Variants in TTLL5 observed in about 807,000 individuals in gnomAD.
TTLL5 encodes tubulin tyrosine ligase like 5, also known as tubulin polyglutamylase TTLL5.
TTLL5 carries 132 observed loss-of-function variants against 168.4 expected under a neutral mutation model. The observed-to-expected ratio is 0.78, with a 90% confidence interval of 0.68 to 0.91. The LOEUF (loss-of-function observed/expected upper bound fraction) is 0.91. TTLL5 is among the 40% of genes least tolerant of loss of function. The pLI, the probability that TTLL5 is intolerant of heterozygous loss-of-function variation, is 0.00. For missense variants in TTLL5, 1,545 were observed against 1,581.5 expected (o/e 0.98, Z 0.39); for synonymous variants, 546 against 558.6 (o/e 0.98, Z 0.32).
At chr14:75,798,383 A>G (rs1197487676) in intron 27 of TTLL5, among the ~76,000 whole-genome samples, 1 of 144,676 alleles carries the variant, frequency 6.9e-6, no homozygotes, top group East Asian at 2.1e-4. Flanking sequence ...AATTTTGTTT[A>G]TTTATTTTTT....
chr14:75,924,637 A>AT (rs1026850691), intron 31 of TTLL5, among the ~76,000 whole-genome samples: 1 of 151,676 alleles, frequency 6.6e-6, no homozygotes, highest in Non-Finnish European at 1.5e-5. Flanking sequence ...AGGCAGAAGA[A>AT]TTTTTTTTGG....
chr14:75,902,459 A>G (rs2032967274), intron 31 of TTLL5: 1 of 670,674 alleles, frequency 1.5e-6, no homozygotes, highest in African/African-American at 1.8e-5. Context: ...GCCATCTTAT[A>G]AAATGCTGTC....
intron 28 of TTLL5, among the ~76,000 whole-genome samples, chr14:75,853,559 A>G (rs371523025): frequency 6.6e-6 from 1 of 152,246 alleles, no homozygotes; most frequent in Non-Finnish European, 1.5e-5. Context: ...CTGCTTAGGC[A>G]TGTATCTTTA....
At chr14:75,681,184 A>G (rs1184035385) in intron 3 of TTLL5, among the ~76,000 whole-genome samples, 14 of 152,204 alleles carry the variant, frequency 9.2e-5, no homozygotes, top group Non-Finnish European at 1.5e-5. Flanking sequence ...TATGAGAATA[A>G]TTGATATTTT....
rs188449346 is a variant in TTLL5 at position 75,940,242 on chromosome 14, C to G, written c.3824-14182C>G. ...TACAGGCACCCGCTACCAAGCCTGG[C>G]TAATTTTTTTGTATTTTTAGTAGAG... On this transcript the variant is annotated intron_variant, in intron 31 of 31. Coordinates refer to ENST00000298832, the MANE Select transcript of TTLL5 (RefSeq NM_015072.5). Among the ~76,000 whole-genome samples, 876 of 152,028 alleles carry G rather than the reference C, an allele frequency of 5.8e-3. 8 individuals are homozygous for G. The highest frequency in any genetic ancestry group is 0.02 in the African/African-American group (817 of 41,448).
At chr14:75,890,268 CAAAGCTAAG>C (rs1229624840) in intron 30 of TTLL5, among the ~76,000 whole-genome samples, 1 of 151,996 alleles carries the variant, frequency 6.6e-6, no homozygotes, top group Non-Finnish European at 1.5e-5. Context: ...AACCATAAAA[CAAAGCTAAG>C]AAAAACAGAT....
intron 28 of TTLL5, among the ~76,000 whole-genome samples, chr14:75,824,251 C>T (rs1894991846): frequency 6.6e-6 from 1 of 152,032 alleles, no homozygotes; most frequent in Admixed American, 6.6e-5. Context: ...CTGGGTAGGG[C>T]CTAAAAGACT....
At chr14:75,938,627 G>A (rs894389108) in intron 31 of TTLL5, among the ~76,000 whole-genome samples, 5 of 152,180 alleles carry the variant, frequency 3.3e-5, no homozygotes, top group Admixed American at 6.5e-5. Flanking sequence ...AGGTACACAC[G>A]TTTTTATTCT....
intron 18 of TTLL5, among the ~76,000 whole-genome samples, chr14:75,756,860 G>T (rs1365466503): frequency 6.6e-6 from 1 of 152,110 alleles, no homozygotes; most frequent in East Asian, 1.9e-4. Context: ...TGTTTTAAAA[G>T]AAAAACAAAA....
At chr14:75,723,759 A>G (rs540099194) in intron 12 of TTLL5, among the ~76,000 whole-genome samples, 4 of 152,262 alleles carry the variant, frequency 2.6e-5, no homozygotes, top group Admixed American at 6.5e-5. Context: ...TTCATCAGCC[A>G]TGGGTCTCCT....
chr14:75,833,679 C>T (rs1336823786), intron 28 of TTLL5, among the ~76,000 whole-genome samples: 4 of 152,160 alleles, frequency 2.6e-5, no homozygotes, highest in African/African-American at 7.2e-5. Context: ...CCATAGAGTA[C>T]GTGCCCAGTA....
intron 31 of TTLL5, among the ~76,000 whole-genome samples, chr14:75,924,965 AC>A (rs1279345942): frequency 1.6e-5 from 2 of 127,606 alleles, no homozygotes; most frequent in African/African-American, 3.1e-5. Flanking sequence ...CGGAGGGCCG[AC>A]CCCCCCACCT....
At chr14:75,769,400 G>C (rs1004834655) in intron 20 of TTLL5, among the ~76,000 whole-genome samples, 1 of 151,990 alleles carries the variant, frequency 6.6e-6, no homozygotes, top group Admixed American at 6.6e-5. Flanking sequence ...AGGTTTCTTT[G>C]GTTTTTATTC....
At chr14:75,813,008 A>C (rs921551555) in intron 27 of TTLL5, among the ~76,000 whole-genome samples, 1 of 152,142 alleles carries the variant, frequency 6.6e-6, no homozygotes, top group African/African-American at 2.4e-5. Flanking sequence ...ACAGTGATTA[A>C]AACAACAAGA....
At position 75,718,971 on chromosome 14, in the gene TTLL5, G is replaced by T. The variant is rs992233670; in HGVS notation, c.843-764G>T. On this transcript the variant is annotated intron_variant, in intron 10 of 31. Transcript: ENST00000298832. ...CCTGTGAGCAGCATTTGCATTGACT[G>T]AAGAGATCATACCTCCACTGTGAAA... 4.6e-5 allele frequency among the ~76,000 whole-genome samples: 7 copies of T among 152,328 alleles called. No individual in the cohort carries two copies. The South Asian group carries it at 1.4e-3, about 32-fold the overall frequency.
intron 12 of TTLL5, chr14:75,727,893 A>G: frequency 2.1e-6 from 1 of 480,884 alleles, no homozygotes; most frequent in Non-Finnish European, 4.2e-6. Flanking sequence ...GAAGCAGCAC[A>G]AGGAGTCCTT....
chr14:75,827,704 G>GTTTTTTTT (rs1566621341), intron 28 of TTLL5, among the ~76,000 whole-genome samples: 4 of 92,550 alleles, frequency 4.3e-5, no homozygotes, highest in South Asian at 4.2e-4. Context: ...ATTTGGCTTG[G>GTTTTTTTT]TTCTTTTTTT....
intron 5 of TTLL5, 89 bp from the exon 6 acceptor site, chr14:75,690,103 A>G: frequency 7.0e-7 from 1 of 1,424,052 alleles, no homozygotes; most frequent in Non-Finnish European, 9.8e-7. Context: ...CCGGTCTAGG[A>G]CTGTGAACTG....
chr14:75,810,657 G>A lies in TTLL5; in HGVS notation c.3172-9350G>A, dbSNP rs191981524. 5.1e-4 allele frequency among the ~76,000 whole-genome samples: 77 copies of A among 152,298 alleles called. 1 individual carries two copies. The highest frequency in any genetic ancestry group is 1.7e-3 in the African/African-American group (71 of 41,562). ...ACTGTGATTACACACATGAGCTACT[G>A]TGCCTGACCCTAAATCTTTAATGCT... On this transcript the variant is annotated intron_variant, in intron 27 of 31. Transcript: ENST00000298832.
Sources: gnomAD v4.1 joint callset for allele counts (sites outside exome capture counted in the v4.1 genomes callset) on GRCh38, gnomAD v4.1.1 for gene constraint, MANE v1.5 for transcripts, NCBI Gene and HGNC (gene_info 2026-07-23, HGNC 2026-07-21) for gene names.